The following ITLN1 variants were observed in gnomAD, a reference collection of about 807,000 sequenced individuals.
ITLN1 encodes the protein intelectin-1.
Under a neutral mutation model 36.2 loss-of-function variants are expected in ITLN1, and 29 were observed. That is an observed-to-expected ratio of 0.80 (90% confidence interval 0.60 to 1.09). The LOEUF (loss-of-function observed/expected upper bound fraction) is 1.09, where lower values mean the gene tolerates loss of function less well. ITLN1 is among the 50% of genes least tolerant of loss of function. ITLN1 has a pLI of 0.00. For missense variants in ITLN1, 358 were observed against 405.2 expected, an observed-to-expected ratio of 0.88 and a Z score of 1.00; for synonymous variants, 143 against 146.5, an observed-to-expected ratio of 0.98 and a Z score of 0.17.
At chr1:160,881,619 G>A in intron 4 of ITLN1, 1 of 486,608 alleles carries the variant, frequency 2.1e-6, no homozygotes, top group East Asian at 3.8e-5. Context: ...GACGAGCCTG[G>A]CCAACATGGT....
At chr1:160,877,088 A>C (rs1210846584) in intron 7 of ITLN1, among the ~76,000 whole-genome samples, 2 of 152,176 alleles carry the variant, frequency 1.3e-5, no homozygotes, top group African/African-American at 4.8e-5. Flanking sequence ...AAATACAAAA[A>C]TTAGCCAGGT....
At position 160,884,889 on chromosome 1, in the gene ITLN1, G is replaced by A. The variant is rs747105662; in HGVS notation, c.-6-6C>T. The A allele has an allele frequency of 6.2e-7, 1 of 1,607,802 alleles. No individual in the cohort carries two copies. The highest frequency in any genetic ancestry group is 8.5e-7 in the Non-Finnish European group (1 of 1,174,566). ...CTGAGTTGGTTCATTGTAATCTAAAGAAAGCAAGATGAAGGTCACCATCTT... is the reference window on the plus strand; with the variant it reads ...CTGAGTTGGTTCATTGTAATCTAAAAAAAGCAAGATGAAGGTCACCATCTT... On this transcript the variant is annotated splice_region_variant and splice_polypyrimidine_tract_variant and intron_variant, in intron 1 of 7. Transcript: ENST00000326245.
At chr1:160,877,214 G>T (rs1345458633) in intron 7 of ITLN1, among the ~76,000 whole-genome samples, 1 of 151,648 alleles carries the variant, frequency 6.6e-6, no homozygotes, top group Admixed American at 6.6e-5. Context: ...TGCAGCCTGG[G>T]TGACAGAGTA....
At chr1:160,880,809 C>G in intron 5 of ITLN1, 101 bp from the exon 6 acceptor site, 1 of 1,347,638 alleles carries the variant, frequency 7.4e-7, no homozygotes, top group Non-Finnish European at 1.0e-6. Flanking sequence ...ACAATGCTTT[C>G]TCAGTAACTG....
chr1:160,881,089 C>T, intron 5 of ITLN1, 65 bp downstream of exon 5: 1 of 1,498,868 alleles, frequency 6.7e-7, no homozygotes, highest in South Asian at 1.4e-5. Context: ...GACTCCTGCC[C>T]AACCTCTAAC....
intron 2 of ITLN1, among the ~76,000 whole-genome samples, chr1:160,884,529 G>A (rs2101911368): frequency 6.6e-6 from 1 of 152,288 alleles, no homozygotes; most frequent in East Asian, 1.9e-4. Flanking sequence ...TAGTTCCCAT[G>A]GAAATCCCAC....
At position 160,880,661 on chromosome 1, in the gene ITLN1, G is replaced by GC. The variant is rs751115944; in HGVS notation, c.611dup (p.Val206GlyfsTer7). ...AATCATAGACCACAGGGATCACCGG[G>GC]CCGTTGTCAGTCCAACACTTTCCTT... is the stretch of plus-strand genomic sequence containing the variant. On this transcript the variant is annotated frameshift_variant, in exon 6 of 8. Coordinates refer to ENST00000326245, the MANE Select transcript of ITLN1 (RefSeq NM_017625.3). LOFTEE classifies it high-confidence loss of function. 6.2e-7 allele frequency: 1 copy of GC among 1,614,016 alleles called. No homozygotes were observed. The highest frequency in any genetic ancestry group is 1.1e-5 in the South Asian group (1 of 91,076).
At chr1:160,877,966 C>T (rs922024460) in intron 7 of ITLN1, among the ~76,000 whole-genome samples, 3 of 152,078 alleles carry the variant, frequency 2.0e-5, no homozygotes, top group Admixed American at 2.0e-4. Flanking sequence ...GTCAGGAGTT[C>T]AAGACCAGCC....
chr1:160,879,540 G>T, intron 6 of ITLN1, 126 bp from the exon 7 acceptor site: 1 of 716,816 alleles, frequency 1.4e-6, no homozygotes, highest in Non-Finnish European at 2.4e-6. Context: ...TACTGGTGGA[G>T]CCCAGCACCC....
At chr1:160,879,548 C>A in intron 6 of ITLN1, 134 bp from the exon 7 acceptor site, 1 of 681,380 alleles carries the variant, frequency 1.5e-6, no homozygotes, top group Non-Finnish European at 2.6e-6. Context: ...GAGCCCAGCA[C>A]CCCTGTGGCC....
At chr1:160,883,036 T>C (rs1041034391) in intron 3 of ITLN1, among the ~76,000 whole-genome samples, 1 of 152,048 alleles carries the variant, frequency 6.6e-6, no homozygotes, top group Non-Finnish European at 1.5e-5. Flanking sequence ...ACCCAATTGA[T>C]TTTTGTATTT....
intron 3 of ITLN1, among the ~76,000 whole-genome samples, chr1:160,882,794 A>G (rs1670702961): frequency 6.6e-6 from 1 of 152,222 alleles, no homozygotes; most frequent in Non-Finnish European, 1.5e-5. Flanking sequence ...GGAGATAGAA[A>G]GTAAAATGCA....
chr1:160,878,492 T>A (rs1670627484), intron 7 of ITLN1, among the ~76,000 whole-genome samples: 1 of 151,662 alleles, frequency 6.6e-6, no homozygotes, highest in South Asian at 2.1e-4. Context: ...CTTAAGCAGA[T>A]CCTCCCACCT....
In ITLN1 at chr1:160,876,686, G is replaced by T; in HGVS notation, c.920C>A (p.Ala307Asp). Residue 307 changes from alanine (A) to aspartate (D), a missense_variant, in exon 8 of 8, where the codon GCT becomes GAT. Ala to Asp is a moderately radical substitution (Grantham distance 126, BLOSUM62 -2). Transcript: ENST00000326245. ...CTCTCAACGATAGAATAGAAGCACA[G>T]CTGCCTCAGTTATCTCACGGCTGCT... ...YSSSREITEA[A>D]VLLFYR 1 of 1,614,226 alleles carries T rather than the reference G, an allele frequency of 6.2e-7. No individual in the cohort carries two copies. Among genetic ancestry groups the T allele is most frequent in the Non-Finnish European group, 8.5e-7 (1 of 1,180,034 alleles).
intron 7 of ITLN1, among the ~76,000 whole-genome samples, chr1:160,878,935 C>T (rs1266518829): frequency 1.3e-5 from 2 of 152,088 alleles, no homozygotes; most frequent in South Asian, 2.1e-4. Flanking sequence ...ATATAAACCT[C>T]AGATGAAGGA....
intron 6 of ITLN1, 72 bp from the exon 7 acceptor site, chr1:160,879,486 GC>G: frequency 8.7e-7 from 1 of 1,154,630 alleles, no homozygotes; most frequent in Non-Finnish European, 1.3e-6. Flanking sequence ...CAGCCCAGAG[GC>G]TCTCGATGCC....
At chr1:160,880,409 T>A (rs946606807) in intron 6 of ITLN1, among the ~76,000 whole-genome samples, 179 bp downstream of exon 6, 2 of 152,136 alleles carry the variant, frequency 1.3e-5, no homozygotes, top group African/African-American at 4.8e-5. Context: ...AGTGCTTCAG[T>A]TTCCTAAAAT....
At chr1:160,881,852 C>A in intron 4 of ITLN1, 105 bp downstream of exon 4, 1 of 1,448,164 alleles carries the variant, frequency 6.9e-7, no homozygotes, top group Non-Finnish European at 9.5e-7. Flanking sequence ...TCTTCTTCTC[C>A]AGCCCATCCC....
In ITLN1 at chr1:160,880,707, T is replaced by G; in HGVS notation, c.566A>C (p.Lys189Thr). ...LGHNLFGIYQ[K>T]YPVKYGEGKC... ...TCCTTCTCCATATTTCACTGGATAT[T>G]TCTACAAAGAACACAGAAAAAGTCA... The change falls in exon 6 of 8, where the codon AAA becomes ACA. Residue 189 changes from lysine to threonine, a missense_variant and splice_region_variant. By Grantham distance (78) the Lys-to-Thr change is moderately conservative. Coordinates refer to ENST00000326245, the MANE Select transcript of ITLN1 (RefSeq NM_017625.3). The G allele has an allele frequency of 6.2e-7, 1 of 1,614,100 alleles. No homozygotes were observed.
Sources: allele counts gnomAD v4.1 joint callset (sites outside exome capture counted in the v4.1 genomes callset), GRCh38; gene constraint gnomAD v4.1.1; transcripts MANE v1.5; gene names NCBI Gene and HGNC (gene_info 2026-07-23, HGNC 2026-07-21).